Variants in SLC24A2 observed in about 807,000 individuals in gnomAD.
The protein encoded by SLC24A2 is sodium/potassium/calcium exchanger 2.
SLC24A2 carries 36 observed loss-of-function variants against 62.0 expected under a neutral mutation model. That is an observed-to-expected ratio of 0.58 (90% CI 0.44 to 0.77). The LOEUF is 0.77. SLC24A2 is among the 30% of genes least tolerant of loss of function. SLC24A2 has a pLI of 0.00. For missense variants in SLC24A2, 846 were observed against 817.9 expected (o/e 1.03, Z -0.42); for synonymous variants, 358 against 294.0 (o/e 1.22, Z -2.23).
At chr9:19,938,314 T>C in the SLC24A2 span, among the ~76,000 whole-genome samples, 1 of 152,156 alleles carries the variant, frequency 6.6e-6, no homozygotes. Context: ...TTCTTTAATA[T>C]ACTATTTCCC....
chr9:20,039,188 G>T, the SLC24A2 span, among the ~76,000 whole-genome samples: 1 of 152,226 alleles, frequency 6.6e-6, no homozygotes, highest in Non-Finnish European at 1.5e-5. Context: ...TAGCCCTGGT[G>T]TGTCTCTTCT....
the SLC24A2 span, among the ~76,000 whole-genome samples, chr9:19,973,675 T>C: frequency 6.6e-6 from 1 of 152,218 alleles, no homozygotes; most frequent in Non-Finnish European, 1.5e-5. Context: ...TCACATCAAT[T>C]ACTTTCATCA....
the SLC24A2 span, among the ~76,000 whole-genome samples, chr9:19,871,601 T>C: frequency 6.6e-6 from 1 of 152,206 alleles, no homozygotes; most frequent in South Asian, 2.1e-4. Context: ...TATGTGTGTG[T>C]GCATGTGTGT....
chr9:20,113,795 T>A, the SLC24A2 span, among the ~76,000 whole-genome samples: 1 of 152,166 alleles, frequency 6.6e-6, no homozygotes, highest in Admixed American at 6.6e-5. Flanking sequence ...CTATATAAAT[T>A]TTTATGCACT....
the SLC24A2 span, among the ~76,000 whole-genome samples, chr9:19,964,504 G>A: frequency 6.6e-6 from 1 of 152,184 alleles, no homozygotes; most frequent in African/African-American, 2.4e-5. Context: ...AGGACTCAGA[G>A]GAGGAACAAG....
At chr9:19,543,277 C>T (rs1834372689) in intron 8 of SLC24A2, among the ~76,000 whole-genome samples, 1 of 151,942 alleles carries the variant, frequency 6.6e-6, no homozygotes, top group Non-Finnish European at 1.5e-5. Context: ...TGGTGATATC[C>T]CCTTTATCAT....
At chr9:19,597,495 G>A (rs1367612386) in intron 4 of SLC24A2, among the ~76,000 whole-genome samples, 3 of 152,306 alleles carry the variant, frequency 2.0e-5, no homozygotes, top group East Asian at 1.9e-4. Flanking sequence ...CGGGGGTAGA[G>A]TGTGCCCTGC....
In SLC24A2 at chr9:19,776,162, T is replaced by C. The variant is rs1453136487; in HGVS notation, c.930+9775A>G. Among the ~76,000 whole-genome samples the C allele has an allele frequency of 2.0e-5, 3 of 152,204 alleles. No individual in the cohort carries two copies. In the East Asian group the frequency reaches 5.8e-4, roughly 29 times the overall value. On this transcript the variant is annotated intron_variant, in intron 2 of 10. Coordinates refer to ENST00000341998, the MANE Select transcript of SLC24A2 (RefSeq NM_020344.4). ...GGGCATGGTCAAAAACATTTGAAAGTCACTGATTTGACAGCTCACAATGTG... is the reference window on the plus strand; with the variant it reads ...GGGCATGGTCAAAAACATTTGAAAGCCACTGATTTGACAGCTCACAATGTG...
At chr9:20,087,352 A>AC in the SLC24A2 span, among the ~76,000 whole-genome samples, 1 of 152,220 alleles carries the variant, frequency 6.6e-6, no homozygotes, top group Non-Finnish European at 1.5e-5. Flanking sequence ...AGATATTAAC[A>AC]ATAGGAACGT....
At chr9:19,972,677 C>G in the SLC24A2 span, among the ~76,000 whole-genome samples, 3 of 152,098 alleles carry the variant, frequency 2.0e-5, no homozygotes, top group Non-Finnish European at 2.9e-5. Context: ...GAGTGCATAT[C>G]TTATATGTCT....
At chr9:20,228,731 G>C in the SLC24A2 span, among the ~76,000 whole-genome samples, 1 of 152,150 alleles carries the variant, frequency 6.6e-6, no homozygotes, top group African/African-American at 2.4e-5. Flanking sequence ...GTGGCACCCA[G>C]TATCCAGCCT....
the SLC24A2 span, among the ~76,000 whole-genome samples, chr9:19,898,761 AAAAG>A: frequency 6.6e-6 from 1 of 151,024 alleles, no homozygotes. Context: ...AAAAAAAAAA[AAAAG>A]AATAGGACAA....
the SLC24A2 span, among the ~76,000 whole-genome samples, chr9:20,145,330 T>C: frequency 1.7e-4 from 26 of 152,078 alleles, 1 homozygote; most frequent in African/African-American, 5.5e-4. Context: ...GGATATAACA[T>C]GGGGGATATA....
At chr9:20,278,024 G>A in the SLC24A2 span, among the ~76,000 whole-genome samples, 10 of 152,060 alleles carry the variant, frequency 6.6e-5, no homozygotes, top group African/African-American at 2.2e-4. Context: ...CTCATAGGTG[G>A]GAATTGAACA....
chr9:19,566,208 T>G (rs1022377016), intron 7 of SLC24A2, among the ~76,000 whole-genome samples: 2 of 149,526 alleles, frequency 1.3e-5, no homozygotes, highest in Non-Finnish European at 3.0e-5. Context: ...ATTTTTGCAA[T>G]CTACTCATCT....
Position 19,567,402 on chromosome 9 carries a change from C to T in SLC24A2, c.1347+5949G>A, listed in dbSNP as rs535830502. 2.1e-3 allele frequency among the ~76,000 whole-genome samples: 323 copies of T among 151,114 alleles called. 3 individuals are homozygous for T. Among genetic ancestry groups the T allele is most frequent in the African/African-American group, 6.8e-3 (283 of 41,320 alleles). ...TCTACTAAAAATACAAAAAATTAGCCGGGTGTGGTGGCGGGCGCCTGTAGT... is the reference window on the plus strand; with the variant it reads ...TCTACTAAAAATACAAAAAATTAGCTGGGTGTGGTGGCGGGCGCCTGTAGT... On this transcript the variant is annotated intron_variant, in intron 7 of 10. Coordinates refer to ENST00000341998, the MANE Select transcript of SLC24A2 (RefSeq NM_020344.4).
intron 9 of SLC24A2, among the ~76,000 whole-genome samples, chr9:19,526,776 T>C (rs1391384387): frequency 1.3e-5 from 2 of 152,158 alleles, no homozygotes; most frequent in African/African-American, 4.8e-5. Context: ...TTTGCAAATA[T>C]TTTCTTCCAG....
chr9:19,684,724 T>C (rs1280133375), intron 2 of SLC24A2, among the ~76,000 whole-genome samples: 1 of 151,874 alleles, frequency 6.6e-6, no homozygotes, highest in African/African-American at 2.4e-5. Context: ...GATGACAAGA[T>C]GGCAGCATTG....
intron 2 of SLC24A2, among the ~76,000 whole-genome samples, chr9:19,756,688 G>C (rs142616685): frequency 2.2e-4 from 34 of 152,176 alleles, no homozygotes; most frequent in African/African-American, 8.2e-4. Context: ...GATTATTCTG[G>C]AGCTAAAAAC....
Sources: allele counts gnomAD v4.1 joint callset (sites outside exome capture counted in the v4.1 genomes callset), GRCh38; gene constraint gnomAD v4.1.1; transcripts MANE v1.5; gene names NCBI Gene and HGNC (gene_info 2026-07-23, HGNC 2026-07-21).